TRPM3: variants seen among roughly 807,000 people sequenced by gnomAD.
TRPM3 encodes long transient receptor potential channel 3.
A neutral mutation model predicts 181.2 loss-of-function variants in TRPM3; 77 were observed. The observed-to-expected ratio is 0.42, with a 90% CI of 0.35 to 0.51. TRPM3 has a LOEUF of 0.51. TRPM3 is among the 20% of genes least tolerant of loss of function. The probability of loss-of-function intolerance (pLI) is 0.01; values close to 1 mark genes in which losing one functional copy is unlikely to be tolerated. For synonymous variants in TRPM3, 745 were observed against 796.4 expected (o/e 0.94, Z 1.09); for missense variants, 1,759 against 2,196.7 (o/e 0.80, Z 3.98).
At chr9:70,880,094 G>C (rs1479797731) in intron 1 of TRPM3, among the ~76,000 whole-genome samples, 1 of 152,026 alleles carries the variant, frequency 6.6e-6, no homozygotes, top group East Asian at 1.9e-4. Flanking sequence ...GAAGGATAAG[G>C]GGTCCACACT....
At chr9:71,238,360 G>T (rs949469991) in intron 1 of TRPM3, among the ~76,000 whole-genome samples, 2 of 152,080 alleles carry the variant, frequency 1.3e-5, no homozygotes, top group African/African-American at 4.8e-5. Flanking sequence ...TACACACACT[G>T]ATGTCAGATA....
intron 1 of TRPM3, among the ~76,000 whole-genome samples, chr9:70,892,816 CATA>C (rs1218384776): frequency 6.6e-6 from 1 of 152,042 alleles, no homozygotes; most frequent in African/African-American, 2.4e-5. Flanking sequence ...TTATTACAAC[CATA>C]GTATGTGGTG....
intron 8 of TRPM3, among the ~76,000 whole-genome samples, chr9:70,757,366 C>T (rs1587924676): frequency 6.6e-6 from 1 of 152,262 alleles, no homozygotes; most frequent in East Asian, 1.9e-4. Flanking sequence ...AATAAAAGCC[C>T]AGGGCCAGAT....
chr9:71,113,664 A>G (rs1052105622), intron 1 of TRPM3, among the ~76,000 whole-genome samples: 1 of 152,212 alleles, frequency 6.6e-6, no homozygotes, highest in Non-Finnish European at 1.5e-5. Flanking sequence ...TTAAAAAATA[A>G]TTATAAAAGT....
intron 3 of TRPM3, 89 bp from the exon 4 acceptor site, chr9:70,846,680 A>G: frequency 9.2e-7 from 1 of 1,089,410 alleles, no homozygotes; most frequent in East Asian, 2.4e-5. Context: ...ATGTGTAGTT[A>G]TGTGACAAAA....
At chr9:71,436,437 G>T (rs1248323036) in intron 1 of TRPM3, among the ~76,000 whole-genome samples, 1 of 151,320 alleles carries the variant, frequency 6.6e-6, no homozygotes, top group African/African-American at 2.4e-5. Context: ...AGAGTAGCTG[G>T]GATTACAGGC....
At chr9:70,752,680 A>G (rs2076391696) in intron 8 of TRPM3, among the ~76,000 whole-genome samples, 1 of 152,184 alleles carries the variant, frequency 6.6e-6, no homozygotes, top group African/African-American at 2.4e-5. Context: ...TAGATACACA[A>G]ATACCTAACA....
intron 8 of TRPM3, among the ~76,000 whole-genome samples, chr9:70,750,361 G>A (rs1483373038): frequency 1.3e-5 from 2 of 152,174 alleles, no homozygotes; most frequent in East Asian, 1.9e-4. Flanking sequence ...AGACTGTGGA[G>A]GGCCTCAAAG....
chr9:71,051,787 T>A (rs1328472993), intron 1 of TRPM3, among the ~76,000 whole-genome samples: 1 of 152,096 alleles, frequency 6.6e-6, no homozygotes, highest in Non-Finnish European at 1.5e-5. Flanking sequence ...CGCCAATTAG[T>A]GTTGAAGTCT....
At chr9:70,574,052 G>C (rs1226470241) in intron 22 of TRPM3, among the ~76,000 whole-genome samples, 3 of 142,754 alleles carry the variant, frequency 2.1e-5, no homozygotes, top group Non-Finnish European at 4.5e-5. Flanking sequence ...TAGAAATGTA[G>C]GTTAAATCAG....
intron 1 of TRPM3, among the ~76,000 whole-genome samples, chr9:71,233,021 C>T (rs563940280): frequency 1.3e-5 from 2 of 152,254 alleles, no homozygotes; most frequent in South Asian, 2.1e-4. Context: ...AGACCTGCTT[C>T]AAGCCCCCGA....
At chr9:71,080,793 G>GA (rs2064186813) in intron 1 of TRPM3, among the ~76,000 whole-genome samples, 1 of 152,166 alleles carries the variant, frequency 6.6e-6, no homozygotes, top group South Asian at 2.1e-4. Flanking sequence ...ACAGAAGAAA[G>GA]AAACTTTTTT....
At chr9:70,606,578 C>G (rs1158096731) in intron 19 of TRPM3, among the ~76,000 whole-genome samples, 2 of 151,958 alleles carry the variant, frequency 1.3e-5, no homozygotes, top group African/African-American at 4.8e-5. Context: ...ATAGAACTCA[C>G]CAACATTCAT....
intron 1 of TRPM3, among the ~76,000 whole-genome samples, chr9:70,982,811 G>C (rs1289433773): frequency 6.6e-6 from 1 of 152,038 alleles, no homozygotes; most frequent in Non-Finnish European, 1.5e-5. Context: ...AGTGGTTCTT[G>C]TGCCTCAGCC....
intron 9 of TRPM3, among the ~76,000 whole-genome samples, chr9:70,643,753 G>A (rs998422366): frequency 4.6e-5 from 7 of 152,164 alleles, no homozygotes; most frequent in Non-Finnish European, 8.8e-5. Context: ...TCATGCCTGG[G>A]GCACAGCCCC....
chr9:71,291,225 C>T (rs556444380), intron 1 of TRPM3, among the ~76,000 whole-genome samples: 1 of 152,182 alleles, frequency 6.6e-6, no homozygotes, highest in South Asian at 2.1e-4. Flanking sequence ...CCAAATATAC[C>T]AGTTTTTCCA....
At chr9:71,129,098 G>A (rs567593790) in intron 1 of TRPM3, among the ~76,000 whole-genome samples, 39 of 152,212 alleles carry the variant, frequency 2.6e-4, no homozygotes, top group African/African-American at 9.2e-4. Context: ...AATGAAAACC[G>A]TACTTGCTAT....
chr9:70,629,968 C>T (rs900226426), intron 12 of TRPM3, among the ~76,000 whole-genome samples: 3 of 152,160 alleles, frequency 2.0e-5, no homozygotes, highest in Non-Finnish European at 2.9e-5. Context: ...AGGTGTCCTG[C>T]GTGGACTCTG....
intron 1 of TRPM3, among the ~76,000 whole-genome samples, chr9:71,195,540 G>A (rs1366308598): frequency 6.6e-6 from 1 of 152,044 alleles, no homozygotes; most frequent in Non-Finnish European, 1.5e-5. Context: ...ATTGTGGAAT[G>A]TAGAGTGGAG....
Sources: allele counts gnomAD v4.1 joint callset (sites outside exome capture counted in the v4.1 genomes callset), GRCh38; gene constraint gnomAD v4.1.1; transcripts MANE v1.5; gene names NCBI Gene and HGNC (gene_info 2026-07-23, HGNC 2026-07-21).